ZNF101: variants seen among roughly 807,000 people sequenced by gnomAD.
ZNF101 encodes zinc finger protein 101.
A neutral mutation model predicts 42.6 loss-of-function variants in ZNF101; 34 were observed. That is an observed-to-expected ratio of 0.80 (90% CI 0.61 to 1.06). The LOEUF (loss-of-function observed/expected upper bound fraction) is 1.06, where lower values mean the gene tolerates loss of function less well. Ranked by LOEUF, ZNF101 falls within the 50% of genes least tolerant of loss-of-function variation. ZNF101 has a pLI of 0.00. For missense variants in ZNF101, 466 were observed against 530.9 expected, an observed-to-expected ratio of 0.88 and a Z score of 1.20; for synonymous variants, 158 against 183.9, an observed-to-expected ratio of 0.86 and a Z score of 1.14.
chr19:19,676,924 C>T (rs1398094041), intron 1 of ZNF101: 1 of 152,134 alleles, frequency 6.6e-6, no homozygotes, highest in Non-Finnish European at 1.5e-5. Context: ...TGTGAGTCAC[C>T]ACACCCAGCT....
Position 19,680,468 on chromosome 19 carries a change from A to G in ZNF101, c.*168A>G. 1 of 376,288 alleles carries G rather than the reference A, an allele frequency of 2.7e-6. No homozygotes were observed. 23.3% of individuals were successfully genotyped at this position (376,288 alleles called of 1,614,324 possible). On this transcript the variant is annotated 3_prime_UTR_variant, in exon 4 of 4. Transcript: ENST00000592502. ...CCCGTCTCTACTAAAAATACAAAAA[A>G]ATTAACTGGGCATGGTGGTGGGCAC...
chr19:19,668,843 G>T lies in ZNF101; in HGVS notation c.-121G>T, dbSNP rs2062150035. 7.6e-7 allele frequency: 1 copy of T among 1,313,354 alleles called. No homozygotes were observed. The allele number at this position is 1,313,354 out of a possible 1,614,324, so 81.4% of individuals were successfully genotyped here. A position where few individuals can be genotyped will look rare whatever the true frequency, so the allele number is the denominator to read the frequency against. ...CTCATTTCCCGCCGGCCCCCCATTC[G>T]GGTCCGGGTTTTAGTTCCTCGGGGA... is the stretch of plus-strand genomic sequence containing the variant. On this transcript the variant is annotated 5_prime_UTR_variant, in exon 1 of 4. Transcript: ENST00000592502.
intron 1 of ZNF101, among the ~76,000 whole-genome samples, chr19:19,673,966 G>A: frequency 6.6e-6 from 1 of 151,132 alleles, no homozygotes; most frequent in East Asian, 2.0e-4. Flanking sequence ...ACTAATTTTT[G>A]TATTTTTAGT....
At chr19:19,675,811 G>A (rs2062199581) in intron 1 of ZNF101, among the ~76,000 whole-genome samples, 1 of 152,032 alleles carries the variant, frequency 6.6e-6, no homozygotes, top group South Asian at 2.1e-4. Flanking sequence ...GAGTTTGAGA[G>A]GAGCCTGGGC....
upstream of ZNF101, among the ~76,000 whole-genome samples, chr19:19,668,234 C>T (rs890017240): frequency 6.6e-6 from 1 of 152,112 alleles, no homozygotes; most frequent in African/African-American, 2.4e-5. Flanking sequence ...TGCTGGGCTG[C>T]TCCCCCACAG....
chr19:19,668,387 G>A (rs781192937), upstream of ZNF101, among the ~76,000 whole-genome samples: 2 of 151,962 alleles, frequency 1.3e-5, no homozygotes, highest in Non-Finnish European at 2.9e-5. Flanking sequence ...ATGCAAGGTG[G>A]GCAGGTGTTG....
chr19:19,678,658 C>A, intron 2 of ZNF101, 68 bp from the exon 3 acceptor site: 4 of 1,353,884 alleles, frequency 3.0e-6, no homozygotes, highest in Non-Finnish European at 4.1e-6. Flanking sequence ...GTTTAATGAA[C>A]TTAGAACCTA....
Position 19,679,321 on chromosome 19 carries a change from TC to T in ZNF101, c.334del (p.Leu112SerfsTer10), listed in dbSNP as rs1182553474. 7 of 1,614,076 alleles carry T rather than the reference TC, an allele frequency of 4.3e-6. No homozygotes were observed. Among genetic ancestry groups the T allele is most frequent in the Non-Finnish European group, 5.1e-6 (6 of 1,180,032 alleles). The stretch of plus-strand genomic sequence containing the variant: ...AAATGCAGCGTGTGTGGGAAAGTCT[TC>T]CTCCGTCATTCATTCCTGGACAGGC... ...PCKCSVCGKV[F>X]LRHSFLDRHM... On this transcript the variant is annotated frameshift_variant, in exon 4 of 4. Coordinates refer to ENST00000592502, the MANE Select transcript of ZNF101 (RefSeq NM_033204.4). LOFTEE classifies it high-confidence loss of function.
chr19:19,678,035 G>C, intron 2 of ZNF101, 45 bp downstream of exon 2: 2 of 1,592,454 alleles, frequency 1.3e-6, no homozygotes, highest in African/African-American at 2.7e-5. Flanking sequence ...AGACAAGTGT[G>C]TTTTGGTCAC....
intron 1 of ZNF101, among the ~76,000 whole-genome samples, chr19:19,670,736 G>A (rs2062163088): frequency 6.6e-6 from 1 of 151,510 alleles, no homozygotes; most frequent in Non-Finnish European, 1.5e-5. Flanking sequence ...GAACGACAGA[G>A]TGAGACCCTG....
Position 19,668,911 on chromosome 19 carries a change from C to T in ZNF101, c.-53C>T. On this transcript the variant is annotated 5_prime_UTR_variant, in exon 1 of 4. Transcript: ENST00000592502. ...TACGGCTGATTTTGTCGTGTGGGAC[C>T]TGTTCTGGCTGCTCCAGCCCCAGGA... The T allele has an allele frequency of 6.4e-7, 1 of 1,557,934 alleles. No individual in the cohort carries two copies. The highest frequency in any genetic ancestry group is 8.7e-7 in the Non-Finnish European group (1 of 1,150,098).
rs1347555615 is a variant in ZNF101, at chr19:19,680,945, A to G, written c.*645A>G. 2 of 151,960 alleles carry G rather than the reference A, an allele frequency of 1.3e-5. No individual in the cohort carries two copies. The highest frequency in any genetic ancestry group is 2.9e-5 in the Non-Finnish European group (2 of 68,040). The allele number at this position is 151,960 out of a possible 1,614,324, so 9.4% of individuals were successfully genotyped here. ...AAACAAACAAAAAAAAGAAGGCCCCATATCTCCAAAGAAAAAAAAAATTAA... is the reference window on the plus strand; with the variant it reads ...AAACAAACAAAAAAAAGAAGGCCCCGTATCTCCAAAGAAAAAAAAAATTAA... On this transcript the variant is annotated 3_prime_UTR_variant, in exon 4 of 4. Transcript: ENST00000592502.
At chr19:19,670,033 A>G (rs2062158778) in intron 1 of ZNF101, among the ~76,000 whole-genome samples, 1 of 151,888 alleles carries the variant, frequency 6.6e-6, no homozygotes, top group Non-Finnish European at 1.5e-5. Flanking sequence ...TCCTCAGCCC[A>G]CCCTCCTATC....
chr19:19,676,705 C>T (rs963203310), intron 1 of ZNF101: 1 of 151,696 alleles, frequency 6.6e-6, no homozygotes, highest in South Asian at 2.1e-4. Flanking sequence ...ATGATCTCAG[C>T]TGACTGTAAT....
intron 2 of ZNF101, 120 bp from the exon 3 acceptor site, chr19:19,678,606 C>G (rs1387680935): frequency 2.5e-6 from 2 of 803,396 alleles, no homozygotes; most frequent in South Asian, 1.9e-5. Context: ...CAGAGTGAGA[C>G]TTTGTCTCCA....
At chr19:19,673,026 C>G (rs2145047158) in intron 1 of ZNF101, among the ~76,000 whole-genome samples, 1 of 152,048 alleles carries the variant, frequency 6.6e-6, no homozygotes, top group Non-Finnish European at 1.5e-5. Context: ...CTCACTGCAA[C>G]CTCCACTTCC....
rs2062233994 is a variant in ZNF101, at chr19:19,680,505, G to C, written c.*205G>C. On this transcript the variant is annotated 3_prime_UTR_variant, in exon 4 of 4. Coordinates refer to ENST00000592502, the MANE Select transcript of ZNF101 (RefSeq NM_033204.4). ...ATGGTGGTGGGCACCTGTAATCTCA[G>C]CTACTCGGGAGGCCGAGGCAGGAGA... 1 of 314,902 alleles carries C rather than the reference G, an allele frequency of 3.2e-6. No individual in the cohort carries two copies. The highest frequency in any genetic ancestry group is 5.8e-6 in the Non-Finnish European group (1 of 172,342). 19.5% of individuals were successfully genotyped at this position (314,902 alleles called of 1,614,324 possible).
chr19:19,668,469 G>A (rs1435658194), upstream of ZNF101, among the ~76,000 whole-genome samples: 5 of 152,104 alleles, frequency 3.3e-5, no homozygotes, highest in African/African-American at 1.2e-4. Flanking sequence ...AAGGGTCAGT[G>A]GGGAGGAGGT....
At chr19:19,678,611 T>A (rs1164792776) in intron 2 of ZNF101, 115 bp from the exon 3 acceptor site, 14 of 831,686 alleles carry the variant, frequency 1.7e-5, no homozygotes, top group Non-Finnish European at 2.5e-5. Context: ...TGAGACTTTG[T>A]CTCCAAAAAA....
Sources: gnomAD v4.1 joint callset for allele counts (sites outside exome capture counted in the v4.1 genomes callset) on GRCh38, gnomAD v4.1.1 for gene constraint, MANE v1.5 for transcripts, NCBI Gene and HGNC (gene_info 2026-07-23, HGNC 2026-07-21) for gene names.